PIAS1: variants seen among roughly 807,000 people sequenced by gnomAD.
The protein encoded by PIAS1 is protein inhibitor of activated STAT 1.
Under a neutral mutation model 71.3 loss-of-function variants are expected in PIAS1, and 6 were observed. That is an observed-to-expected ratio of 0.08 (90% CI 0.05 to 0.17). The LOEUF is 0.17. Among genes scored for constraint, PIAS1 ranks in the 10% least tolerant of loss-of-function variants. The probability of loss-of-function intolerance (pLI) is 1.00; values close to 1 mark genes in which losing one functional copy is unlikely to be tolerated. For synonymous variants in PIAS1, 303 were observed against 292.9 expected (o/e 1.03, Z -0.35); for missense variants, 555 against 793.6 (o/e 0.70, Z 3.61).
intron 2 of PIAS1, among the ~76,000 whole-genome samples, chr15:68,104,777 C>T (rs546532620): frequency 6.6e-6 from 1 of 152,220 alleles, no homozygotes; most frequent in East Asian, 1.9e-4. Flanking sequence ...ACATTGTATG[C>T]ATGTACAAAA....
intron 2 of PIAS1, among the ~76,000 whole-genome samples, chr15:68,110,783 G>C (rs1406365199): frequency 6.6e-6 from 1 of 152,080 alleles, no homozygotes; most frequent in Non-Finnish European, 1.5e-5. Context: ...CTATGTAGTT[G>C]CAGTTTAAAA....
intron 2 of PIAS1, among the ~76,000 whole-genome samples, chr15:68,138,272 CAAAG>C (rs2092747298): frequency 6.6e-6 from 1 of 152,106 alleles, no homozygotes. Flanking sequence ...AGAGGGGAAA[CAAAG>C]ACAGTAAAGC....
chr15:68,135,642 C>T (rs1471890808), intron 2 of PIAS1, among the ~76,000 whole-genome samples: 7 of 70,488 alleles, frequency 9.9e-5, no homozygotes, highest in Admixed American at 1.3e-4. Context: ...ACCTCCCTCC[C>T]GGACGGGGTG....
rs557392812 is a variant in PIAS1, at chr15:68,110,779, A to G, written c.469+24029A>G. ...TATTTATTCTCAATAAATTCTATGT[A>G]GTTGCAGTTTAAAATCTAGTTTAGT... On this transcript the variant is annotated intron_variant, in intron 2 of 13. Transcript: ENST00000249636. Among the ~76,000 whole-genome samples, 38 of 152,244 alleles carry G rather than the reference A, an allele frequency of 2.5e-4. No individual in the cohort carries two copies. The East Asian group carries it at 7.3e-3, about 29-fold the overall frequency.
At chr15:68,072,469 C>G (rs1008786959) in intron 1 of PIAS1, among the ~76,000 whole-genome samples, 1 of 147,848 alleles carries the variant, frequency 6.8e-6, no homozygotes, top group Admixed American at 6.8e-5. Context: ...TGAGAATTTT[C>G]CACATTGAAA....
chr15:68,187,361 C>T lies in PIAS1; in HGVS notation c.1663-181C>T, dbSNP rs896931489. 2.6e-5 allele frequency among the ~76,000 whole-genome samples: 4 copies of T among 152,156 alleles called. No individual in the cohort carries two copies. The highest frequency in any genetic ancestry group is 2.0e-4 in the Admixed American group (3 of 15,278). ...AGTTTCAGATACAAAAATGTCTTCT[C>T]AAGATCAATGCTCCAGTCCTTACAT... On this transcript the variant is annotated intron_variant, in intron 13 of 13. Coordinates refer to ENST00000249636, the MANE Select transcript of PIAS1 (RefSeq NM_016166.3). The surrounding 1 kb of genome is among the most constrained non-coding windows in gnomAD (Gnocchi z 5.3).
rs2091872143 is a variant in PIAS1 at position 68,054,454 on chromosome 15, C to A, written c.24+104C>A. 1.6e-6 allele frequency: 2 copies of A among 1,250,824 alleles called. No homozygotes were observed. Among genetic ancestry groups the A allele is most frequent in the East Asian group, 2.7e-5 (1 of 37,430 alleles). The allele number at this position is 1,250,824 out of a possible 1,614,324, so 77.5% of individuals were successfully genotyped here. A position where few individuals can be genotyped will look rare whatever the true frequency, so the allele number is the denominator to read the frequency against. On this transcript the variant is annotated intron_variant, in intron 1 of 13. Coordinates refer to ENST00000249636, the MANE Select transcript of PIAS1 (RefSeq NM_016166.3). This position sits in a 1 kb window ranked among gnomAD's most constrained non-coding sequence, Gnocchi z 4.6. ...CCTGGGGGGCCTCTCGGGCCTGACT[C>A]CACCCGGGCCTGGAGTTGTAGGGAG...
In PIAS1 at chr15:68,182,490, CGTGTGT is replaced by C. The variant is rs67774530; in HGVS notation, c.1625-1119_1625-1114del. 1.3e-3 allele frequency among the ~76,000 whole-genome samples: 163 copies of C among 123,354 alleles called. 5 individuals carry two copies. The highest frequency in any genetic ancestry group is 4.8e-3 in the African/African-American group (151 of 31,420). The allele number at this position is 123,354 out of a possible 152,430, so 80.9% of individuals were successfully genotyped here. A position where few individuals can be genotyped will look rare whatever the true frequency, so the allele number is the denominator to read the frequency against. On this transcript the variant is annotated intron_variant, in intron 12 of 13. Coordinates refer to ENST00000249636, the MANE Select transcript of PIAS1 (RefSeq NM_016166.3). The stretch of plus-strand genomic sequence containing the variant: ...AGTTTTGCTCTTATTGCTCAGGCTG[CGTGTGT>C]GTGTGTGTGTGTGTGTGTGTCGGAG...
At chr15:68,125,208 G>A (rs2092642293) in intron 2 of PIAS1, among the ~76,000 whole-genome samples, 1 of 149,652 alleles carries the variant, frequency 6.7e-6, no homozygotes, top group Admixed American at 6.6e-5. Flanking sequence ...AAATTTTTTT[G>A]CCACTGTGTA....
intron 2 of PIAS1, among the ~76,000 whole-genome samples, chr15:68,141,448 G>T (rs1481552238): frequency 6.6e-6 from 1 of 152,086 alleles, no homozygotes; most frequent in Non-Finnish European, 1.5e-5. Flanking sequence ...AACTGTATGT[G>T]ATATTTATTG....
chr15:68,055,783 A>C (rs1468905392), intron 1 of PIAS1: 1 of 571,472 alleles, frequency 1.7e-6, no homozygotes, highest in Admixed American at 3.0e-5. Flanking sequence ...CGTTATAATG[A>C]AACGACAACT....
rs1229887210 is a variant in PIAS1 at position 68,054,532 on chromosome 15, C to T, written c.24+182C>T. 1 of 542,326 alleles carries T rather than the reference C, an allele frequency of 1.8e-6. No individual in the cohort carries two copies. The highest frequency in any genetic ancestry group is 2.0e-5 in the African/African-American group (1 of 49,344). 33.6% of individuals were successfully genotyped at this position (542,326 alleles called of 1,614,324 possible). A position where few individuals can be genotyped will look rare whatever the true frequency, so the allele number is the denominator to read the frequency against. On this transcript the variant is annotated intron_variant, in intron 1 of 13. Coordinates refer to ENST00000249636, the MANE Select transcript of PIAS1 (RefSeq NM_016166.3). The surrounding 1 kb of genome is among the most constrained non-coding windows in gnomAD (Gnocchi z 4.6). ...GGCCCGCCTGCGGCGGGCCGCGGGC[C>T]CCGGGTGCCTCGGGGGCGCTGACGG...
intron 1 of PIAS1, among the ~76,000 whole-genome samples, chr15:68,068,412 A>C (rs574195545): frequency 2.6e-5 from 4 of 152,260 alleles, no homozygotes; most frequent in African/African-American, 9.6e-5. Context: ...TGTTTGTGGA[A>C]GAAGGGACTT....
At chr15:68,141,843 A>AATAT in intron 2 of PIAS1, 103 bp from the exon 3 acceptor site, 2 of 679,024 alleles carry the variant, frequency 2.9e-6, no homozygotes, top group East Asian at 5.5e-5. Context: ...TAAACTCTAG[A>AATAT]ATATATACCA....
chr15:68,055,712 T>C (rs2091888684), intron 1 of PIAS1: 2 of 479,166 alleles, frequency 4.2e-6, no homozygotes, highest in African/African-American at 2.0e-5. Context: ...GGATATACAA[T>C]TGTAAATCTT....
At chr15:68,095,044 T>A (rs1225182690) in intron 2 of PIAS1, among the ~76,000 whole-genome samples, 7 of 152,156 alleles carry the variant, frequency 4.6e-5, no homozygotes, top group African/African-American at 1.7e-4. Flanking sequence ...AATGATTGGC[T>A]TTTTTGGGTT....
chr15:68,155,820 C>G (rs2092884950), intron 7 of PIAS1, among the ~76,000 whole-genome samples: 1 of 152,020 alleles, frequency 6.6e-6, no homozygotes, highest in Non-Finnish European at 1.5e-5. Context: ...TTTCTTTCTC[C>G]TCTTCCTTCT....
At chr15:68,083,608 A>T in intron 1 of PIAS1, among the ~76,000 whole-genome samples, 1 of 152,102 alleles carries the variant, frequency 6.6e-6, no homozygotes, top group East Asian at 1.9e-4. Context: ...TTTCCTCTTA[A>T]TGTCAACATA....
At chr15:68,061,978 G>A (rs187539930) in intron 1 of PIAS1, among the ~76,000 whole-genome samples, 85 of 152,272 alleles carry the variant, frequency 5.6e-4, no homozygotes, top group Admixed American at 6.5e-4. Context: ...CACAATAGGT[G>A]TTTTTAATAT....
Sources: allele counts gnomAD v4.1 joint callset (sites outside exome capture counted in the v4.1 genomes callset), GRCh38; gene constraint gnomAD v4.1.1; non-coding constraint Gnocchi (gnomAD v3.1); transcripts MANE v1.5; gene names NCBI Gene and HGNC (gene_info 2026-07-23, HGNC 2026-07-21).